SH3KBP1: variants seen among roughly 807,000 people sequenced by gnomAD.
SH3KBP1 encodes SH3 domain-containing kinase-binding protein 1.
In SH3KBP1, 8 loss-of-function variants were observed where a neutral mutation model predicts 50.1. The ratio of observed to expected loss-of-function variants is 0.16; its 90% CI spans 0.09 to 0.29. The LOEUF is 0.29. Ranked by LOEUF, SH3KBP1 falls within the 10% of genes least tolerant of loss-of-function variation. The probability of loss-of-function intolerance (pLI) is 1.00; values close to 1 mark genes in which losing one functional copy is unlikely to be tolerated. For missense variants in SH3KBP1, 377 were observed against 535.2 expected (o/e 0.70, Z 2.92); for synonymous variants, 227 against 218.6 (o/e 1.04, Z -0.34).
intron 16 of SH3KBP1, among the ~76,000 whole-genome samples, chrX:19,540,734 G>A (rs2064860278): frequency 9.0e-6 from 1 of 111,544 alleles, no homozygotes; most frequent in Admixed American, 9.5e-5. Flanking sequence ...AGGCTGCCCC[G>A]TGTGGCCAGG....
chrX:19,763,956 C>T (rs2065510149), intron 2 of SH3KBP1, among the ~76,000 whole-genome samples: 1 of 97,732 alleles, frequency 1.0e-5, no homozygotes, highest in South Asian at 4.8e-4. Flanking sequence ...GTGGAGGTTG[C>T]AGTGAACTAC....
chrX:19,564,215 C>A (rs2065769043), intron 13 of SH3KBP1, among the ~76,000 whole-genome samples: 1 of 111,959 alleles, frequency 8.9e-6, no homozygotes, highest in South Asian at 3.7e-4. Context: ...GATTTATTAT[C>A]ATGAAAGGTA....
intron 3 of SH3KBP1, among the ~76,000 whole-genome samples, chrX:19,735,719 T>C (rs2064534190): frequency 6.2e-5 from 1 of 16,253 alleles, no homozygotes; most frequent in Non-Finnish European, 1.1e-4. Context: ...ACTCCTTTTT[T>C]TTGGCGGGGG....
intron 6 of SH3KBP1, among the ~76,000 whole-genome samples, chrX:19,653,192 C>G (rs768990329): frequency 9.0e-6 from 1 of 111,377 alleles, no homozygotes; most frequent in South Asian, 3.8e-4. Flanking sequence ...CACTATGTTG[C>G]CCAGGCTGGT....
In SH3KBP1 at chrX:19,814,853, CCTT is replaced by C. The variant is rs1020048500; in HGVS notation, c.162+21269_162+21271del. Among the ~76,000 whole-genome samples the C allele has an allele frequency of 1.3e-4, 15 of 111,892 alleles. No individual in the cohort carries two copies. The Admixed American group carries it at 1.4e-3, about 11-fold the overall frequency. The stretch of plus-strand genomic sequence containing the variant: ...CACCCCCACTTCTCTCTTCCTCCAT[CCTT>C]CTTTTCTCCTCCCAACTCTACTTCT... On this transcript the variant is annotated intron_variant, in intron 2 of 17. Transcript: ENST00000397821.
chrX:19,675,286 G>A (rs1050372614), intron 6 of SH3KBP1, among the ~76,000 whole-genome samples: 1 of 110,635 alleles, frequency 9.0e-6, no homozygotes, highest in Non-Finnish European at 1.9e-5. Context: ...AGATTCTCTT[G>A]TTACTCTAAT....
intron 3 of SH3KBP1, among the ~76,000 whole-genome samples, chrX:19,740,496 C>T (rs768307725): frequency 8.9e-6 from 1 of 112,309 alleles, no homozygotes; most frequent in Non-Finnish European, 1.9e-5. Flanking sequence ...CTTCTGTTAA[C>T]TCTTATTCTA....
chrX:19,678,910 C>T (rs2062987885), intron 6 of SH3KBP1, among the ~76,000 whole-genome samples: 1 of 111,909 alleles, frequency 8.9e-6, no homozygotes. Context: ...CCTAACGAGT[C>T]TCACAAGACT....
At chrX:19,631,178 A>C (rs1218305459) in intron 8 of SH3KBP1, among the ~76,000 whole-genome samples, 1 of 112,604 alleles carries the variant, frequency 8.9e-6, no homozygotes, top group Non-Finnish European at 1.9e-5. Flanking sequence ...TTTGACCATC[A>C]CAAAAATGCT....
intron 2 of SH3KBP1, among the ~76,000 whole-genome samples, chrX:19,764,974 A>C (rs1337011684): frequency 1.2e-5 from 1 of 85,362 alleles, no homozygotes; most frequent in East Asian, 3.5e-4. Flanking sequence ...TGCCCAGCTA[A>C]TTTTTGCAGT....
At chrX:19,646,858 A>AT (rs1323856537) in intron 6 of SH3KBP1, among the ~76,000 whole-genome samples, 1 of 111,428 alleles carries the variant, frequency 9.0e-6, no homozygotes, top group Non-Finnish European at 1.9e-5. Context: ...TCTGTATTGG[A>AT]TAAAAAATGG....
intron 6 of SH3KBP1, among the ~76,000 whole-genome samples, chrX:19,658,434 A>G (rs1206701518): frequency 2.7e-5 from 3 of 112,198 alleles, no homozygotes; most frequent in Admixed American, 1.9e-4. Context: ...TACTTTCATC[A>G]TCTGCTCCAC....
chrX:19,864,139 G>T (rs903666829), intron 1 of SH3KBP1, among the ~76,000 whole-genome samples: 1 of 111,414 alleles, frequency 9.0e-6, no homozygotes, highest in Non-Finnish European at 1.9e-5. Flanking sequence ...GAGAAACAAG[G>T]TATCTGACAA....
At chrX:19,639,565 C>A (rs1207828751) in intron 7 of SH3KBP1, among the ~76,000 whole-genome samples, 2 of 111,154 alleles carry the variant, frequency 1.8e-5, no homozygotes, top group African/African-American at 6.6e-5. Context: ...TCTTAAGCCA[C>A]ACGGGTAGGC....
intron 2 of SH3KBP1, among the ~76,000 whole-genome samples, chrX:19,758,042 A>G (rs1409956280): frequency 9.0e-6 from 1 of 110,718 alleles, no homozygotes; most frequent in African/African-American, 3.3e-5. Context: ...TTCAAGATTC[A>G]AGGCCGGGGG....
At chrX:19,560,928 G>T (rs1394209724) in intron 13 of SH3KBP1, among the ~76,000 whole-genome samples, 1 of 108,858 alleles carries the variant, frequency 9.2e-6, no homozygotes, top group Non-Finnish European at 1.9e-5. Context: ...TAAAAAATTA[G>T]CTGGGCATGG....
At chrX:19,856,159 C>T (rs1039513724) in intron 1 of SH3KBP1, among the ~76,000 whole-genome samples, 1 of 111,097 alleles carries the variant, frequency 9.0e-6, no homozygotes, top group Admixed American at 9.6e-5. Flanking sequence ...CTGCTGTTCC[C>T]CACAGAAGTA....
At position 19,650,530 on chromosome X, in the gene SH3KBP1, T is replaced by C. The variant is rs1206658159; in HGVS notation, c.727-5055A>G. On this transcript the variant is annotated intron_variant, in intron 6 of 17. Coordinates refer to ENST00000397821, the MANE Select transcript of SH3KBP1 (RefSeq NM_031892.3). Reference sequence around the variant, plus strand: ...ATCTAATCACCTCCCACAAGGTCCCTCCCCCAACACATGGGGATTACAATT... The same window carrying C: ...ATCTAATCACCTCCCACAAGGTCCCCCCCCCAACACATGGGGATTACAATT... 2.9e-5 allele frequency among the ~76,000 whole-genome samples: 3 copies of C among 105,138 alleles called. No homozygotes were observed. The Admixed American group carries it at 3.0e-4, about 10-fold the overall frequency. The allele number at this position is 105,138 out of a possible 115,157, so 91.3% of individuals were successfully genotyped here. A position where few individuals can be genotyped will look rare whatever the true frequency, so the allele number is the denominator to read the frequency against.
chrX:19,829,386 C>T (rs1303005660), intron 2 of SH3KBP1, among the ~76,000 whole-genome samples: 3 of 109,147 alleles, frequency 2.7e-5, no homozygotes, highest in Non-Finnish European at 5.7e-5. Context: ...GGAGAGGAAT[C>T]ATTGGGAAAA....
Sources: allele counts gnomAD v4.1 joint callset (sites outside exome capture counted in the v4.1 genomes callset), GRCh38; gene constraint gnomAD v4.1.1; transcripts MANE v1.5; gene names NCBI Gene and HGNC (gene_info 2026-07-23, HGNC 2026-07-21).